KCNQ1OT1: variants seen among roughly 807,000 people sequenced by gnomAD.
The protein encoded by KCNQ1OT1 is KCNQ1 opposite strand/antisense transcript 1.
At chr11:2,686,023 A>G in exon 1 of KCNQ1OT1, 1 of 399,156 alleles carries the variant, frequency 2.5e-6, no homozygotes, top group Non-Finnish European at 4.4e-6. Flanking sequence ...GGCTCACTCT[A>G]AGCCCCGCCA....
chr11:2,629,212 A>G (rs911635413), exon 1 of KCNQ1OT1: 3 of 398,294 alleles, frequency 7.5e-6, no homozygotes, highest in Non-Finnish European at 8.9e-6. Context: ...TATTTATTCT[A>G]TTGATCTATG....
At chr11:2,672,485 C>A in exon 1 of KCNQ1OT1, 1 of 398,690 alleles carries the variant, frequency 2.5e-6, no homozygotes, top group Non-Finnish European at 4.4e-6. Context: ...CCCCACATTC[C>A]ATGGCAGTGC....
chr11:2,662,288 T>C, exon 1 of KCNQ1OT1: 1 of 614,584 alleles, frequency 1.6e-6, no homozygotes, highest in South Asian at 2.0e-5. Flanking sequence ...GGGAACATGA[T>C]CCTCTTGTTT....
At position 2,663,343 on chromosome 11, in the gene KCNQ1OT1, T is replaced by C; in HGVS notation, n.36652A>G. ...GGCAGGAGCAGAGGTGTGAGCAGGCTGGTAGCCAGATGGGCTGCCCAGGTA... is the reference window on the plus strand; with the variant it reads ...GGCAGGAGCAGAGGTGTGAGCAGGCCGGTAGCCAGATGGGCTGCCCAGGTA... On this transcript the variant is annotated non_coding_transcript_exon_variant, in exon 1 of 1. Coordinates refer to ENST00000597346, the Ensembl canonical transcript of KCNQ1OT1. This position sits in a 1 kb window ranked among gnomAD's most constrained non-coding sequence, Gnocchi z 5.2. 1 of 398,770 alleles carries C rather than the reference T, an allele frequency of 2.5e-6. No individual in the cohort carries two copies. The highest frequency in any genetic ancestry group is 3.6e-5 in the East Asian group (1 of 28,076). The allele number at this position is 398,770 out of a possible 1,614,324, so 24.7% of individuals were successfully genotyped here.
Position 2,676,270 on chromosome 11 carries a change from A to G in KCNQ1OT1, n.23725T>C, listed in dbSNP as rs1850292812. ...ATCTGAGAAGCATTTTTATTGCAAA[A>G]TGTGTGTTTACATGTATACAGACAC... is the stretch of plus-strand genomic sequence containing the variant. On this transcript the variant is annotated non_coding_transcript_exon_variant, in exon 1 of 1. Transcript: ENST00000597346. The surrounding 1 kb of genome is among the most constrained non-coding windows in gnomAD (Gnocchi z 4.2). 1 of 398,528 alleles carries G rather than the reference A, an allele frequency of 2.5e-6. No homozygotes were observed. The highest frequency in any genetic ancestry group is 2.1e-5 in the African/African-American group (1 of 48,640). 24.7% of individuals were successfully genotyped at this position (398,528 alleles called of 1,614,324 possible).
exon 1 of KCNQ1OT1, chr11:2,615,007 A>G (rs906402808): frequency 1.3e-5 from 5 of 398,300 alleles, no homozygotes; most frequent in African/African-American, 1.0e-4. Context: ...AACAATATTT[A>G]ATCTTCCAAT....
At position 2,698,618 on chromosome 11, in the gene KCNQ1OT1, A is replaced by G; in HGVS notation, n.1377T>C. On this transcript the variant is annotated non_coding_transcript_exon_variant, in exon 1 of 1. Coordinates refer to ENST00000597346, the Ensembl canonical transcript of KCNQ1OT1. This position sits in a 1 kb window ranked among gnomAD's most constrained non-coding sequence, Gnocchi z 5.1. ...ACTTCGACTTCAATTCCTGACTCCC[A>G]TACCCCACTGAGACCTCTAACCCCA... The G allele has an allele frequency of 2.5e-6, 1 of 398,048 alleles. No homozygotes were observed. Among genetic ancestry groups the G allele is most frequent in the Non-Finnish European group, 4.4e-6 (1 of 225,974 alleles). The allele number at this position is 398,048 out of a possible 1,614,324, so 24.7% of individuals were successfully genotyped here. A position where few individuals can be genotyped will look rare whatever the true frequency, so the allele number is the denominator to read the frequency against.
exon 1 of KCNQ1OT1, chr11:2,672,322 C>T (rs1160131034): frequency 1.5e-5 from 6 of 398,394 alleles, no homozygotes; most frequent in African/African-American, 4.1e-5. Context: ...CTCAAGGGGG[C>T]CTGGTGTGGT....
At chr11:2,634,207 A>T (rs1849413670) in exon 1 of KCNQ1OT1, 1 of 392,450 alleles carries the variant, frequency 2.5e-6, no homozygotes, top group Non-Finnish European at 4.4e-6. Context: ...TCTAGGGTAC[A>T]TGTGCACAAC....
At position 2,648,608 on chromosome 11, in the gene KCNQ1OT1, A is replaced by C. The variant is rs1357448232; in HGVS notation, n.51387T>G. 3 of 398,324 alleles carry C rather than the reference A, an allele frequency of 7.5e-6. No individual in the cohort carries two copies. In the Admixed American group the frequency reaches 1.3e-4, roughly 18 times the overall value. The allele number at this position is 398,324 out of a possible 1,614,324, so 24.7% of individuals were successfully genotyped here. ...GAAGTTCCTCTTGTTATTGATTTCC[A>C]GTTTTATTCCATTGTGGTCTGAGAA... On this transcript the variant is annotated non_coding_transcript_exon_variant, in exon 1 of 1. Transcript: ENST00000597346.
At position 2,670,225 on chromosome 11, in the gene KCNQ1OT1, G is replaced by C. The variant is rs897179432; in HGVS notation, n.29770C>G. ...GCAGGGCGAGCTGTGTAGCTCACCT[G>C]CCTTTGACCCTGCACATGACGGGCG... On this transcript the variant is annotated non_coding_transcript_exon_variant, in exon 1 of 1. Transcript: ENST00000597346. The surrounding 1 kb of genome is among the most constrained non-coding windows in gnomAD (Gnocchi z 4.9). 28 of 398,484 alleles carry C rather than the reference G, an allele frequency of 7.0e-5. No homozygotes were observed. The highest frequency in any genetic ancestry group is 6.2e-4 in the Middle Eastern group (1 of 1,610). The allele number at this position is 398,484 out of a possible 1,614,324, so 24.7% of individuals were successfully genotyped here. A position where few individuals can be genotyped will look rare whatever the true frequency, so the allele number is the denominator to read the frequency against.
At chr11:2,685,109 C>CGGG in exon 1 of KCNQ1OT1, 1 of 398,588 alleles carries the variant, frequency 2.5e-6, no homozygotes, top group Non-Finnish European at 4.4e-6. Context: ...CCTTTTGGCA[C>CGGG]GGGGGGTCTG....
rs919792946 is a variant in KCNQ1OT1 at position 2,620,973 on chromosome 11, TTTTG to T, written n.79018_79021del. 6.6e-5 allele frequency: 26 copies of T among 394,770 alleles called. No homozygotes were observed. The highest frequency in any genetic ancestry group is 6.2e-4 in the Middle Eastern group (1 of 1,606). The allele number at this position is 394,770 out of a possible 1,614,324, so 24.5% of individuals were successfully genotyped here. On this transcript the variant is annotated non_coding_transcript_exon_variant, in exon 1 of 1. Coordinates refer to ENST00000597346, the Ensembl canonical transcript of KCNQ1OT1. This position sits in a 1 kb window ranked among gnomAD's most constrained non-coding sequence, Gnocchi z 4.5. ...GTTTTTTTTTGTCTGTTTTTTGCTT[TTTTG>T]TTTGTTTGTTTGTTTTTTGAGAAAG...
chr11:2,652,295 C>T lies in KCNQ1OT1; in HGVS notation n.47700G>A, dbSNP rs1165275194. The T allele has an allele frequency of 7.5e-6, 3 of 398,528 alleles. No individual in the cohort carries two copies. The highest frequency in any genetic ancestry group is 8.8e-6 in the Non-Finnish European group (2 of 226,068). The allele number at this position is 398,528 out of a possible 1,614,324, so 24.7% of individuals were successfully genotyped here. A position where few individuals can be genotyped will look rare whatever the true frequency, so the allele number is the denominator to read the frequency against. On this transcript the variant is annotated non_coding_transcript_exon_variant, in exon 1 of 1. Coordinates refer to ENST00000597346, the Ensembl canonical transcript of KCNQ1OT1. The surrounding 1 kb of genome is among the most constrained non-coding windows in gnomAD (Gnocchi z 5.9). ...CTGCACCGGTTTCCAAGGCTTCTCC[C>T]TCACTAATTGCTTTGATTATTGTGT...
Position 2,679,394 on chromosome 11 carries a change from T to C in KCNQ1OT1, n.20601A>G, listed in dbSNP as rs1263042293. 1.3e-5 allele frequency: 5 copies of C among 398,524 alleles called. No individual in the cohort carries two copies. The highest frequency in any genetic ancestry group is 2.1e-5 in the African/African-American group (1 of 48,644). 24.7% of individuals were successfully genotyped at this position (398,524 alleles called of 1,614,324 possible). A position where few individuals can be genotyped will look rare whatever the true frequency, so the allele number is the denominator to read the frequency against. The stretch of plus-strand genomic sequence containing the variant: ...CACTTAGTCTCAGTTTCTTTATTTG[T>C]AAAATGGGAATCATAAGAGTACCTT... On this transcript the variant is annotated non_coding_transcript_exon_variant, in exon 1 of 1. Coordinates refer to ENST00000597346, the Ensembl canonical transcript of KCNQ1OT1. The surrounding 1 kb of genome is among the most constrained non-coding windows in gnomAD (Gnocchi z 4.8).
At position 2,687,209 on chromosome 11, in the gene KCNQ1OT1, G is replaced by A. The variant is rs960607316; in HGVS notation, n.12786C>T. 7.5e-6 allele frequency: 3 copies of A among 398,554 alleles called. No individual in the cohort carries two copies. Among genetic ancestry groups the A allele is most frequent in the Middle Eastern group, 6.2e-4 (1 of 1,610 alleles). 24.7% of individuals were successfully genotyped at this position (398,554 alleles called of 1,614,324 possible). A position where few individuals can be genotyped will look rare whatever the true frequency, so the allele number is the denominator to read the frequency against. On this transcript the variant is annotated non_coding_transcript_exon_variant, in exon 1 of 1. Transcript: ENST00000597346. This position sits in a 1 kb window ranked among gnomAD's most constrained non-coding sequence, Gnocchi z 5.0. ...CAGGCTGGATAGGGAGCATCACACTGTTGGGAAATGTGCAATTTTCACTCA... is the reference window on the plus strand; with the variant it reads ...CAGGCTGGATAGGGAGCATCACACTATTGGGAAATGTGCAATTTTCACTCA...
Position 2,662,060 on chromosome 11 carries a change from C to T in KCNQ1OT1, n.37935G>A, listed in dbSNP as rs1849968254. ...GACCTGGAAGGGGAGACTCTGCTGA[C>T]ACCCATCACCCACATCTCACAGTGA... On this transcript the variant is annotated non_coding_transcript_exon_variant, in exon 1 of 1. Coordinates refer to ENST00000597346, the Ensembl canonical transcript of KCNQ1OT1. The T allele has an allele frequency of 6.2e-7, 1 of 1,614,250 alleles. No individual in the cohort carries two copies. Among genetic ancestry groups the T allele is most frequent in the Non-Finnish European group, 8.5e-7 (1 of 1,180,050 alleles).
chr11:2,611,988 T>C lies in KCNQ1OT1; in HGVS notation n.88007A>G. 2.5e-6 allele frequency: 1 copy of C among 398,664 alleles called. No individual in the cohort carries two copies. The highest frequency in any genetic ancestry group is 3.6e-5 in the East Asian group (1 of 28,078). The allele number at this position is 398,664 out of a possible 1,614,324, so 24.7% of individuals were successfully genotyped here. On this transcript the variant is annotated non_coding_transcript_exon_variant, in exon 1 of 1. Coordinates refer to ENST00000597346, the Ensembl canonical transcript of KCNQ1OT1. The surrounding 1 kb of genome is among the most constrained non-coding windows in gnomAD (Gnocchi z 5.3). ...CCCTATTCTCTCCTTCTCAGTACTC[T>C]TATTAACACATATGTTGTTACTCCT...
Position 2,683,118 on chromosome 11 carries a change from C to T in KCNQ1OT1, n.16877G>A, listed in dbSNP as rs766757995. ...TTTCTTGTTCCCAGGATATATCGCA[C>T]CAACTCAGGAGGGTGTGGGGATGGG... On this transcript the variant is annotated non_coding_transcript_exon_variant, in exon 1 of 1. Transcript: ENST00000597346. This position sits in a 1 kb window ranked among gnomAD's most constrained non-coding sequence, Gnocchi z 4.7. 12 of 343,562 alleles carry T rather than the reference C, an allele frequency of 3.5e-5. No homozygotes were observed. The highest frequency in any genetic ancestry group is 1.4e-5 in the Non-Finnish European group (3 of 212,216). The allele number at this position is 343,562 out of a possible 1,614,324, so 21.3% of individuals were successfully genotyped here. A position where few individuals can be genotyped will look rare whatever the true frequency, so the allele number is the denominator to read the frequency against.
Sources: gnomAD v4.1 joint callset for allele counts on GRCh38, gnomAD v4.1.1 for gene constraint, Gnocchi (gnomAD v3.1) non-coding constraint, MANE v1.5 for transcripts, NCBI Gene and HGNC (gene_info 2026-07-23, HGNC 2026-07-21) for gene names.